Variants in DISP2 observed in about 807,000 individuals in gnomAD.
The protein encoded by DISP2 is dispatched RND transporter family member 2.
DISP2 carries 59 observed loss-of-function variants against 95.5 expected under a neutral mutation model. The ratio of observed to expected loss-of-function variants is 0.62; its 90% confidence interval spans 0.50 to 0.77. The LOEUF (loss-of-function observed/expected upper bound fraction) is 0.77, where lower values mean the gene tolerates loss of function less well. Ranked by LOEUF, DISP2 falls within the 30% of genes least tolerant of loss-of-function variation. The pLI is 0.00. For synonymous variants in DISP2, 827 were observed against 815.0 expected (o/e 1.01, Z -0.25); for missense variants, 1,752 against 1,854.6 (o/e 0.94, Z 1.02).
At chr15:40,366,696 C>T (rs1889501810) in intron 7 of DISP2, among the ~76,000 whole-genome samples, 1 of 152,272 alleles carries the variant, frequency 6.6e-6, no homozygotes, top group African/African-American at 2.4e-5. Context: ...GGCCTCCACT[C>T]TTCCCATTGC....
Position 40,367,793 on chromosome 15 carries a change from A to T in DISP2, c.1681A>T (p.Ile561Phe). 2 of 1,607,420 alleles carry T rather than the reference A, an allele frequency of 1.2e-6. No individual in the cohort carries two copies. Among genetic ancestry groups the T allele is most frequent in the Non-Finnish European group, 1.7e-6 (2 of 1,179,958 alleles). ...CAGCGTCTGCGCCAACCACACGCTC[A>T]TCTTCTTCGACCTGTGGCGCCTTAG... ...LSSVCANHTL[I>F]FFDLWRLSKS... is the part of the protein sequence containing the mutation. Residue 561 changes from isoleucine (I) to phenylalanine (F), a missense_variant, in exon 8 of 8, where the codon ATC becomes TTC. Ile to Phe is a conservative substitution (Grantham distance 21). This residue lies in a region of DISP2 where 732 missense variants were observed against 714.6 expected (regional missense o/e 1.02). Transcript: ENST00000267889.
At chr15:40,363,397 T>C (rs1377904791) in intron 1 of DISP2, among the ~76,000 whole-genome samples, 10 of 152,156 alleles carry the variant, frequency 6.6e-5, no homozygotes, top group African/African-American at 2.2e-4. Context: ...CAATTGTTTT[T>C]TGAGAGTGTG....
At position 40,369,914 on chromosome 15, in the gene DISP2, G is replaced by A. The variant is rs749555022; in HGVS notation, c.3802G>A (p.Ala1268Thr). Reference protein sequence around the residue: ...EPLPASPEAPAHSPKAKAADP... With the variant: ...EPLPASPEAPTHSPKAKAADP... ...CCTGCCAGCCTCACCAGAAGCCCCA[G>A]CCCACTCTCCTAAGGCCAAGGCTGC... Residue 1268 changes from alanine (A) to threonine (T), a missense_variant, in exon 8 of 8, where the codon GCC becomes ACC. Around this residue, in one of 5 missense-constraint regions of DISP2, gnomAD observed 347 missense variants for 344.2 expected, o/e 1.01. Coordinates refer to ENST00000267889, the MANE Select transcript of DISP2 (RefSeq NM_033510.3). The A allele has an allele frequency of 6.3e-7, 1 of 1,577,942 alleles. No homozygotes were observed. Among genetic ancestry groups the A allele is most frequent in the Non-Finnish European group, 8.6e-7 (1 of 1,160,338 alleles).
chr15:40,369,563 T>A lies in DISP2; in HGVS notation c.3451T>A (p.Ser1151Thr). ...GEKAGRPRPG[S>T]VGGMPGSCSE... The stretch of plus-strand genomic sequence containing the variant: ...GAAGGCAGGCCGCCCACGACCAGGG[T>A]CAGTGGGAGGGATGCCCGGGTCCTG... Residue 1151 changes from serine (S) to threonine (T), a missense_variant, in exon 8 of 8, where the codon TCA becomes ACA. Ser to Thr is a moderately conservative substitution (Grantham distance 58). Coordinates refer to ENST00000267889, the MANE Select transcript of DISP2 (RefSeq NM_033510.3). The A allele has an allele frequency of 6.2e-7, 1 of 1,612,222 alleles. No individual in the cohort carries two copies. The highest frequency in any genetic ancestry group is 8.5e-7 in the Non-Finnish European group (1 of 1,179,976).
At chr15:40,362,591 G>A (rs532863231) in intron 1 of DISP2, among the ~76,000 whole-genome samples, 60 of 152,222 alleles carry the variant, frequency 3.9e-4, no homozygotes, top group Non-Finnish European at 7.8e-4. Context: ...TAAACATAAC[G>A]ACTCTATAAT....
At position 40,364,424 on chromosome 15, in the gene DISP2, T is replaced by C. The variant is rs760367167; in HGVS notation, c.483T>C (p.Tyr161=). The change falls in exon 4 of 8, where the codon TAT becomes TAC. Residue 161 remains tyrosine (Y), a synonymous_variant. Coordinates refer to ENST00000267889, the MANE Select transcript of DISP2 (RefSeq NM_033510.3). ...TGGACTCCTCCCTCTTTCCCAGCTATTCCCAGCTGATTGCTGAGTGGCCAG... is the reference window on the plus strand; with the variant it reads ...TGGACTCCTCCCTCTTTCCCAGCTACTCCCAGCTGATTGCTGAGTGGCCAG... ...QERAFQMPKS[Y]SQLIAEWPVA... is the part of the protein sequence containing the mutation. The C allele has an allele frequency of 1.9e-6, 3 of 1,613,858 alleles. No homozygotes were observed. The highest frequency in any genetic ancestry group is 1.7e-6 in the Non-Finnish European group (2 of 1,180,010).
In DISP2 at chr15:40,367,724, G is replaced by A. The variant is rs1213871373; in HGVS notation, c.1612G>A (p.Ala538Thr). ...FFLYQVAFRMAYFPFVNLAAL... is the reference protein window; with the variant it reads ...FFLYQVAFRMTYFPFVNLAAL... ...CCTTTACCAGGTGGCCTTCCGCATGGCCTACTTCCCCTTCGTCAATCTGGC... is the reference window on the plus strand; with the variant it reads ...CCTTTACCAGGTGGCCTTCCGCATGACCTACTTCCCCTTCGTCAATCTGGC... Residue 538 changes from alanine to threonine, a missense_variant, in exon 8 of 8, where the codon GCC becomes ACC. Ala to Thr is a moderately conservative substitution (Grantham distance 58, BLOSUM62 0). Around this residue, in one of 5 missense-constraint regions of DISP2, gnomAD observed 732 missense variants for 714.6 expected, o/e 1.02. Coordinates refer to ENST00000267889, the MANE Select transcript of DISP2 (RefSeq NM_033510.3). 3 of 1,613,282 alleles carry A rather than the reference G, an allele frequency of 1.9e-6. No homozygotes were observed. Among genetic ancestry groups the A allele is most frequent in the Middle Eastern group, 1.6e-4 (1 of 6,062 alleles).
rs1889340971 is a variant in DISP2, at chr15:40,358,239, GCCGCTGCCGCCGCCA to G, written c.-78_-64del. On this transcript the variant is annotated 5_prime_UTR_variant, in exon 1 of 8. Coordinates refer to ENST00000267889, the MANE Select transcript of DISP2 (RefSeq NM_033510.3). ...TACGCATGCGCACGAGCACCCCGCC[GCCGCTGCCGCCGCCA>G]CCGCCGCCGCCGCCGCCGCCGCCGC... The G allele has an allele frequency of 2.0e-6, 2 of 983,144 alleles. No individual in the cohort carries two copies. Among genetic ancestry groups the G allele is most frequent in the Admixed American group, 5.1e-5 (1 of 19,570 alleles). 60.9% of individuals were successfully genotyped at this position (983,144 alleles called of 1,614,324 possible). A position where few individuals can be genotyped will look rare whatever the true frequency, so the allele number is the denominator to read the frequency against.
Position 40,377,139 on chromosome 15 carries a change from A to T in DISP2, c.*6821A>T, listed in dbSNP as rs1177938777. 1 of 152,178 alleles carries T rather than the reference A, an allele frequency of 6.6e-6. No individual in the cohort carries two copies. Among genetic ancestry groups the T allele is most frequent in the Non-Finnish European group, 1.5e-5 (1 of 68,092 alleles). 9.4% of individuals were successfully genotyped at this position (152,178 alleles called of 1,614,324 possible). On this transcript the variant is annotated 3_prime_UTR_variant, in exon 8 of 8. Coordinates refer to ENST00000267889, the MANE Select transcript of DISP2 (RefSeq NM_033510.3). The stretch of plus-strand genomic sequence containing the variant: ...GGAGATCGAGACCATCCTGGCTAAC[A>T]TGGTGAAACCTCATCTCTACTAAAA...
intron 1 of DISP2, 70 bp downstream of exon 1, chr15:40,358,510 G>C: frequency 2.7e-6 from 3 of 1,100,314 alleles, no homozygotes; most frequent in Non-Finnish European, 3.4e-6. Context: ...GGTATCCCCA[G>C]TAGCCGCCAT....
chr15:40,358,230 C>T lies in DISP2; in HGVS notation c.-92C>T. ...CTCAGAGCCTACGCATGCGCACGAG[C>T]ACCCCGCCGCCGCTGCCGCCGCCAC... On this transcript the variant is annotated 5_prime_UTR_variant, in exon 1 of 8. Transcript: ENST00000267889. The T allele has an allele frequency of 3.6e-6, 3 of 832,456 alleles. No homozygotes were observed. Among genetic ancestry groups the T allele is most frequent in the Non-Finnish European group, 4.5e-6 (3 of 662,860 alleles). 51.6% of individuals were successfully genotyped at this position (832,456 alleles called of 1,614,324 possible).
intron 7 of DISP2, among the ~76,000 whole-genome samples, chr15:40,366,082 A>G (rs1019441482): frequency 6.6e-6 from 1 of 152,258 alleles, no homozygotes; most frequent in Non-Finnish European, 1.5e-5. Flanking sequence ...GTGCCAATCC[A>G]GTTATGCTAA....
In DISP2 at chr15:40,369,270, C is replaced by A; in HGVS notation, c.3158C>A (p.Ala1053Asp). Residue 1053 changes from alanine (A) to aspartate (D), a missense_variant, in exon 8 of 8, where the codon GCC becomes GAC. Around this residue, in one of 5 missense-constraint regions of DISP2, gnomAD observed 317 missense variants for 394.9 expected, o/e 0.80. Coordinates refer to ENST00000267889, the MANE Select transcript of DISP2 (RefSeq NM_033510.3). Reference sequence around the variant, plus strand: ...CACCCTGACCGCCTGAGCCGTGTGGCCTTCTCTCTGCGCCAGACCAGCTGC... The same window carrying A: ...CACCCTGACCGCCTGAGCCGTGTGGACTTCTCTCTGCGCCAGACCAGCTGC... ...CPHPDRLSRVAFSLRQTSCAT... is the reference protein window; with the variant it reads ...CPHPDRLSRVDFSLRQTSCAT... 1 of 1,613,812 alleles carries A rather than the reference C, an allele frequency of 6.2e-7. No homozygotes were observed. Among genetic ancestry groups the A allele is most frequent in the Non-Finnish European group, 8.5e-7 (1 of 1,180,034 alleles).
Position 40,367,160 on chromosome 15 carries a change from C to G in DISP2, c.1048C>G (p.Arg350Gly). ...LGNYLAVLSN[R>G]SSCLDTTQAD... is the part of the protein sequence containing the mutation. Reference sequence around the variant, plus strand: ...CAACTATCTGGCTGTGCTCTCCAACCGCTCCTCCTGCCTGGACACTACCCA... The same window carrying G: ...CAACTATCTGGCTGTGCTCTCCAACGGCTCCTCCTGCCTGGACACTACCCA... The change falls in exon 8 of 8, where the codon CGC (arginine) becomes GGC (glycine). Residue 350 changes from arginine (R) to glycine (G), a missense_variant. Arg to Gly is a moderately radical substitution (Grantham distance 125, BLOSUM62 -2). Transcript: ENST00000267889. The G allele has an allele frequency of 4.3e-6, 7 of 1,614,012 alleles. No individual in the cohort carries two copies. Among genetic ancestry groups the G allele is most frequent in the Non-Finnish European group, 5.9e-6 (7 of 1,180,014 alleles).
rs146996300 is a variant in DISP2 at position 40,364,516 on chromosome 15, G to A, written c.575G>A (p.Arg192Gln). 262 of 1,613,868 alleles carry A rather than the reference G, an allele frequency of 1.6e-4. 1 individual carries two copies. Among genetic ancestry groups the A allele is most frequent in the South Asian group, 1.6e-3 (143 of 91,086 alleles). The change falls in exon 4 of 8, where the codon CGG becomes CAG. Residue 192 changes from arginine (R) to glutamine (Q), a missense_variant. Arg to Gln is a conservative substitution (Grantham distance 43). Transcript: ENST00000267889. ...LCTLAGLLGA[R>Q]LPDFSKPLLG... ...ACCCTGGCTGGACTGTTGGGGGCCC[G>A]GCTGCCCGACTTCTCCAAGCCTTTG...
At chr15:40,362,331 T>C (rs1273269338) in intron 1 of DISP2, among the ~76,000 whole-genome samples, 10 of 152,194 alleles carry the variant, frequency 6.6e-5, no homozygotes, top group Admixed American at 6.5e-4. Flanking sequence ...CTCTGTGACT[T>C]CTCCACTCAC....
Position 40,369,476 on chromosome 15 carries a change from C to T in DISP2, c.3364C>T (p.Gln1122Ter). The change falls in exon 8 of 8, where the codon CAG (glutamine) becomes TAG (stop). Residue 1122 changes from glutamine to a stop codon, truncating the protein, a stop_gained. Coordinates refer to ENST00000267889, the MANE Select transcript of DISP2 (RefSeq NM_033510.3). LOFTEE classifies it high-confidence loss of function. Reference sequence around the variant, plus strand: ...CTTCGGGCCAGAGAAGAACTGTGGGCAGATCCTCTGGCCCTGTGCCCACCT... The same window carrying T: ...CTTCGGGCCAGAGAAGAACTGTGGGTAGATCCTCTGGCCCTGTGCCCACCT... ...CFFGPEKNCGQILWPCAHLPW... is the reference protein window; with the variant it reads ...CFFGPEKNCG The T allele has an allele frequency of 6.2e-7, 1 of 1,613,232 alleles. No homozygotes were observed. Among genetic ancestry groups the T allele is most frequent in the South Asian group, 1.1e-5 (1 of 91,088 alleles).
At position 40,365,739 on chromosome 15, in the gene DISP2, G is replaced by A. The variant is rs144265506; in HGVS notation, c.945+14G>A. 2.4e-4 allele frequency: 395 copies of A among 1,613,526 alleles called. 1 individual carries two copies. In the African/African-American group the frequency reaches 4.5e-3, roughly 19 times the overall value. On this transcript the variant is annotated intron_variant, in intron 7 of 7. Coordinates refer to ENST00000267889, the MANE Select transcript of DISP2 (RefSeq NM_033510.3). ...GAACAGGACCAGGTGAGCTGGTGGG[G>A]GAGGTGCCAGGGGTTTGGGGGGAAC...
chr15:40,363,576 GC>G, intron 1 of DISP2, 48 bp from the exon 2 acceptor site: 1 of 1,366,198 alleles, frequency 7.3e-7, no homozygotes, highest in Non-Finnish European at 9.9e-7. Flanking sequence ...GCATGGGGTG[GC>G]CCACCACCAT....
Sources: gnomAD v4.1 joint callset for allele counts (sites outside exome capture counted in the v4.1 genomes callset) on GRCh38, gnomAD v4.1.1 for gene constraint, gnomAD v4.1.1 regional missense constraint, MANE v1.5 for transcripts, NCBI Gene and HGNC (gene_info 2026-07-23, HGNC 2026-07-21) for gene names.